BNC2: variants seen among roughly 807,000 people sequenced by gnomAD.
BNC2 encodes the protein basonuclin zinc finger protein 2, also known as zinc finger protein basonuclin-2.
Under a neutral mutation model 76.3 loss-of-function variants are expected in BNC2, and 20 were observed. That is an observed-to-expected ratio of 0.26 (90% CI 0.18 to 0.38). BNC2 has a LOEUF of 0.38. BNC2 is among the 10% of genes least tolerant of loss of function. BNC2 has a pLI of 1.00. For synonymous variants in BNC2, 582 were observed against 514.8 expected, an observed-to-expected ratio of 1.13 and a Z score of -1.77; for missense variants, 1,382 against 1,399.8, an observed-to-expected ratio of 0.99 and a Z score of 0.20.
At chr9:16,652,892 CG>C (rs1360579780) in intron 3 of BNC2, among the ~76,000 whole-genome samples, 3 of 152,066 alleles carry the variant, frequency 2.0e-5, no homozygotes, top group Non-Finnish European at 4.4e-5. Flanking sequence ...TCTGGCAAAC[CG>C]AAGTCTTGAC....
In BNC2 at chr9:16,708,346, T is replaced by G. The variant is rs144771081; in HGVS notation, c.330+19451A>C. On this transcript the variant is annotated intron_variant, in intron 3 of 6. Coordinates refer to ENST00000380672, the MANE Select transcript of BNC2 (RefSeq NM_017637.6). ...AGCAAAATAGGTGAAAGTTTTCTCA[T>G]GAACTTCTATTAAAAACAGGACATG... is the stretch of plus-strand genomic sequence containing the variant. Among the ~76,000 whole-genome samples the G allele has an allele frequency of 2.0e-5, 3 of 152,318 alleles. No homozygotes were observed. In the East Asian group the frequency reaches 5.8e-4, roughly 29 times the overall value.
chr9:16,841,025 C>T (rs1375926746), intron 1 of BNC2, among the ~76,000 whole-genome samples: 9 of 152,048 alleles, frequency 5.9e-5, no homozygotes, highest in Non-Finnish European at 1.2e-4. Flanking sequence ...CTTCCGATTC[C>T]ACATTTGAAC....
intron 5 of BNC2, among the ~76,000 whole-genome samples, chr9:16,548,669 T>C (rs1476515756): frequency 6.6e-6 from 1 of 152,190 alleles, no homozygotes; most frequent in East Asian, 1.9e-4. Flanking sequence ...CCTCCGAAAG[T>C]GCTGGGATTA....
chr9:16,557,438 G>A (rs1211557710), intron 4 of BNC2, among the ~76,000 whole-genome samples: 1 of 151,896 alleles, frequency 6.6e-6, no homozygotes, highest in Non-Finnish European at 1.5e-5. Flanking sequence ...GGCGAAGGTT[G>A]CAGTGAGCTG....
At chr9:16,726,453 G>GAAATT (rs1824320784) in intron 3 of BNC2, among the ~76,000 whole-genome samples, 1 of 149,548 alleles carries the variant, frequency 6.7e-6, no homozygotes, top group Non-Finnish European at 1.5e-5. Flanking sequence ...TTCTAAACTT[G>GAAATT]TAGTAGTTTA....
Position 16,418,805 on chromosome 9 carries a change from C to G in BNC2, c.*184G>C. 2.9e-6 allele frequency: 2 copies of G among 686,072 alleles called. No homozygotes were observed. The highest frequency in any genetic ancestry group is 4.9e-6 in the Non-Finnish European group (2 of 411,220). 42.5% of individuals were successfully genotyped at this position (686,072 alleles called of 1,614,324 possible). A position where few individuals can be genotyped will look rare whatever the true frequency, so the allele number is the denominator to read the frequency against. On this transcript the variant is annotated 3_prime_UTR_variant, in exon 7 of 7. Transcript: ENST00000380672. ...GGAAGTGAAAAAAATTCAAAAGCAC[C>G]TAGTGTTTATCTTGTTTATCTCAAG...
At chr9:16,591,166 G>A (rs906720107) in intron 3 of BNC2, among the ~76,000 whole-genome samples, 4 of 152,050 alleles carry the variant, frequency 2.6e-5, no homozygotes, top group Non-Finnish European at 5.9e-5. Flanking sequence ...CTTCCTAACT[G>A]GCCACATCAC....
intron 3 of BNC2, among the ~76,000 whole-genome samples, chr9:16,712,645 T>C (rs1823883193): frequency 6.6e-6 from 1 of 152,252 alleles, no homozygotes; most frequent in Non-Finnish European, 1.5e-5. Flanking sequence ...TTATCTCTTC[T>C]GAGGCCAAAG....
intron 3 of BNC2, among the ~76,000 whole-genome samples, chr9:16,673,420 T>A (rs1259547618): frequency 7.0e-6 from 1 of 143,118 alleles, no homozygotes; most frequent in African/African-American, 2.9e-5. Context: ...CCAGGGAACA[T>A]TCTGAGATTT....
At chr9:16,691,154 A>G (rs1823148346) in intron 3 of BNC2, among the ~76,000 whole-genome samples, 1 of 152,226 alleles carries the variant, frequency 6.6e-6, no homozygotes, top group Admixed American at 6.5e-5. Context: ...TAATGCTAAA[A>G]TTACATAGAA....
chr9:16,771,643 G>C (rs957607539), intron 1 of BNC2, among the ~76,000 whole-genome samples: 3 of 152,176 alleles, frequency 2.0e-5, no homozygotes, highest in African/African-American at 4.8e-5. Flanking sequence ...ATAATGACAA[G>C]ACAAAGCCTC....
At chr9:16,848,502 A>G (rs1015783841) in intron 1 of BNC2, among the ~76,000 whole-genome samples, 31 of 152,348 alleles carry the variant, frequency 2.0e-4, no homozygotes, top group African/African-American at 6.5e-4. Context: ...CCATCTTATG[A>G]GCCAAATGGT....
chr9:16,490,833 G>A (rs1444618250), intron 5 of BNC2, among the ~76,000 whole-genome samples: 1 of 152,188 alleles, frequency 6.6e-6, no homozygotes, highest in Non-Finnish European at 1.5e-5. Context: ...ACAATAAAAT[G>A]CAGTGCAGCT....
intron 5 of BNC2, among the ~76,000 whole-genome samples, chr9:16,481,063 AC>A (rs1822043468): frequency 6.6e-6 from 1 of 152,152 alleles, no homozygotes; most frequent in Non-Finnish European, 1.5e-5. Context: ...AGGTTTGTAA[AC>A]GCACCAATCA....
chr9:16,505,218 T>C (rs1822599745), intron 5 of BNC2, among the ~76,000 whole-genome samples: 4 of 152,354 alleles, frequency 2.6e-5, no homozygotes, highest in South Asian at 2.1e-4. Context: ...GTCAGTGCTA[T>C]CCTGCCTGAG....
chr9:16,869,634 G>C (rs2136246421), intron 1 of BNC2, among the ~76,000 whole-genome samples: 1 of 152,316 alleles, frequency 6.6e-6, no homozygotes, highest in East Asian at 1.9e-4. Context: ...GACGCTGGGA[G>C]GAAGCAAACT....
At chr9:16,839,811 T>A (rs762567741) in intron 1 of BNC2, among the ~76,000 whole-genome samples, 3 of 152,190 alleles carry the variant, frequency 2.0e-5, no homozygotes, top group African/African-American at 4.8e-5. Context: ...TGAAAAGGAT[T>A]TTTACAAATG....
intron 4 of BNC2, among the ~76,000 whole-genome samples, chr9:16,554,684 T>C (rs149920320): frequency 3.4e-3 from 522 of 152,296 alleles, no homozygotes; most frequent in African/African-American, 0.012. Flanking sequence ...ACAGCTTAAC[T>C]ACTCAGCCTT....
chr9:16,608,012 G>C (rs936836299), intron 3 of BNC2, among the ~76,000 whole-genome samples: 2 of 152,130 alleles, frequency 1.3e-5, no homozygotes, highest in African/African-American at 4.8e-5. Context: ...CACACTGCCA[G>C]AAGGGACCAC....
Sources: allele counts gnomAD v4.1 joint callset (sites outside exome capture counted in the v4.1 genomes callset), GRCh38; gene constraint gnomAD v4.1.1; transcripts MANE v1.5; gene names NCBI Gene and HGNC (gene_info 2026-07-23, HGNC 2026-07-21).